OTUD7A: variants seen among roughly 807,000 people sequenced by gnomAD.
The protein encoded by OTUD7A is OTU deubiquitinase 7A.
OTUD7A carries 12 observed loss-of-function variants against 65.7 expected under a neutral mutation model. That is an observed-to-expected ratio of 0.18 (90% CI 0.12 to 0.30). OTUD7A has a LOEUF of 0.30. Ranked by LOEUF, OTUD7A falls within the 10% of genes least tolerant of loss-of-function variation. OTUD7A has a pLI of 1.00. For synonymous variants in OTUD7A, 641 were observed against 586.3 expected (o/e 1.09, Z -1.35); for missense variants, 1,148 against 1,304.8 (o/e 0.88, Z 1.85).
intron 4 of OTUD7A, among the ~76,000 whole-genome samples, chr15:31,562,261 C>T (rs767182292): frequency 4.6e-5 from 7 of 151,926 alleles, no homozygotes; most frequent in East Asian, 3.9e-4. Flanking sequence ...CTCTCCTATG[C>T]GGAGCAGCCA....
chr15:31,856,397 A>AT (rs532951918), intron 1 of OTUD7A, among the ~76,000 whole-genome samples: 11 of 152,164 alleles, frequency 7.2e-5, no homozygotes, highest in South Asian at 2.1e-4. Flanking sequence ...CAAATATTAG[A>AT]TTTTTTTTCA....
chr15:31,592,677 G>A (rs1217206515), intron 3 of OTUD7A, among the ~76,000 whole-genome samples: 2 of 151,340 alleles, frequency 1.3e-5, no homozygotes, highest in African/African-American at 2.4e-5. Context: ...TCAGGAGATC[G>A]AGAACATCCT....
intron 3 of OTUD7A, among the ~76,000 whole-genome samples, chr15:31,627,286 T>G (rs1246184000): frequency 1.6e-5 from 2 of 128,018 alleles, no homozygotes; most frequent in Non-Finnish European, 3.1e-5. Flanking sequence ...TTCCCCTTCC[T>G]GTGTCCATGT....
intron 5 of OTUD7A, chr15:31,558,694 T>G: frequency 1.9e-6 from 1 of 519,198 alleles, no homozygotes; most frequent in Non-Finnish European, 3.4e-6. Context: ...CAAAGAAGCA[T>G]AGAGTTCTCC....
intron 1 of OTUD7A, among the ~76,000 whole-genome samples, chr15:31,764,320 T>A (rs1020083055): frequency 6.6e-6 from 1 of 152,184 alleles, no homozygotes; most frequent in African/African-American, 2.4e-5. Context: ...TCAAGGTTTT[T>A]AATAAAAATC....
chr15:31,801,890 T>C (rs1304707701), intron 1 of OTUD7A, among the ~76,000 whole-genome samples: 1 of 152,114 alleles, frequency 6.6e-6, no homozygotes, highest in East Asian at 1.9e-4. Context: ...CAAAGAACCA[T>C]CATTCACACA....
intron 3 of OTUD7A, among the ~76,000 whole-genome samples, chr15:31,591,740 T>C (rs1889730936): frequency 6.6e-6 from 1 of 152,246 alleles, no homozygotes; most frequent in African/African-American, 2.4e-5. Flanking sequence ...TGTATGGATA[T>C]GTGTGCATAC....
chr15:31,818,819 G>A (rs979799928), intron 1 of OTUD7A, among the ~76,000 whole-genome samples: 2 of 152,220 alleles, frequency 1.3e-5, no homozygotes, highest in Non-Finnish European at 2.9e-5. Flanking sequence ...GTGGTCTGCT[G>A]CTGTAAAAAA....
At chr15:31,604,282 A>G (rs764340863) in intron 3 of OTUD7A, among the ~76,000 whole-genome samples, 2 of 152,256 alleles carry the variant, frequency 1.3e-5, no homozygotes, top group East Asian at 3.8e-4. Context: ...GGATGAGTTC[A>G]TGTCCTTTGC....
Position 31,483,494 on chromosome 15 carries a change from C to G in OTUD7A, c.2602G>C (p.Gly868Arg). The G allele has an allele frequency of 7.2e-7, 1 of 1,396,550 alleles. No individual in the cohort carries two copies. Among genetic ancestry groups the G allele is most frequent in the South Asian group, 1.4e-5 (1 of 72,266 alleles). 86.5% of individuals were successfully genotyped at this position (1,396,550 alleles called of 1,614,324 possible). A position where few individuals can be genotyped will look rare whatever the true frequency, so the allele number is the denominator to read the frequency against. ...GCGTCGGCGTCGGCGAACTCCAGGC[C>G]GTCGCGCAGGGCGCCGAAGCCGTTG... ...YTNGFGALRD[G>R]LEFADADAPT... Residue 868 changes from glycine to arginine, a missense_variant, in exon 13 of 13, where the codon GGC becomes CGC. Gly to Arg is a moderately radical substitution (Grantham distance 125, BLOSUM62 -2). This residue lies in a region of OTUD7A where 842 missense variants were observed against 769.5 expected (regional missense o/e 1.09). Coordinates refer to ENST00000307050, the MANE Select transcript of OTUD7A (RefSeq NM_001382637.1).
intron 4 of OTUD7A, among the ~76,000 whole-genome samples, chr15:31,565,472 T>A (rs1888837114): frequency 1.3e-5 from 2 of 152,214 alleles, no homozygotes; most frequent in African/African-American, 4.8e-5. Flanking sequence ...TGGAGAGGCA[T>A]ACATAATGTT....
chr15:31,864,688 A>C (rs918233161), intron 1 of OTUD7A, among the ~76,000 whole-genome samples: 1 of 151,928 alleles, frequency 6.6e-6, no homozygotes, highest in Non-Finnish European at 1.5e-5. Flanking sequence ...TATCATGGCT[A>C]ATGACTTTTA....
chr15:31,817,482 T>C (rs998579951), intron 1 of OTUD7A, among the ~76,000 whole-genome samples: 1 of 152,230 alleles, frequency 6.6e-6, no homozygotes, highest in Non-Finnish European at 1.5e-5. Flanking sequence ...ATATAATTTA[T>C]GGACTAGAAT....
intron 1 of OTUD7A, 62 bp from the exon 2 acceptor site, chr15:31,657,139 G>C (rs1595689820): frequency 4.6e-5 from 7 of 152,700 alleles, no homozygotes; most frequent in Admixed American, 3.3e-4. Context: ...GAGGCCGAAG[G>C]CTTGGCTTTT....
intron 5 of OTUD7A, among the ~76,000 whole-genome samples, chr15:31,533,425 T>C (rs569632756): frequency 2.0e-5 from 3 of 152,090 alleles, no homozygotes; most frequent in Non-Finnish European, 4.4e-5. Context: ...TTAGTAGAGA[T>C]AGAGTTTTAC....
At chr15:31,855,264 A>C (rs1219368012) in intron 1 of OTUD7A, among the ~76,000 whole-genome samples, 1 of 152,118 alleles carries the variant, frequency 6.6e-6, no homozygotes, top group Non-Finnish European at 1.5e-5. Flanking sequence ...ATCTAGGCAA[A>C]ACAGGCTGAC....
chr15:31,555,527 G>C (rs1009906413), intron 5 of OTUD7A, among the ~76,000 whole-genome samples: 1 of 152,224 alleles, frequency 6.6e-6, no homozygotes, highest in Non-Finnish European at 1.5e-5. Context: ...CTGTGACAGT[G>C]GGGGCCACGG....
chr15:31,674,921 T>C (rs1053635484), intron 1 of OTUD7A, among the ~76,000 whole-genome samples: 1 of 152,188 alleles, frequency 6.6e-6, no homozygotes, highest in Non-Finnish European at 1.5e-5. Flanking sequence ...GATGGTATCA[T>C]GGAACACTTG....
chr15:31,841,284 G>C (rs1159677146), intron 1 of OTUD7A, among the ~76,000 whole-genome samples: 2 of 152,172 alleles, frequency 1.3e-5, no homozygotes, highest in African/African-American at 2.4e-5. Flanking sequence ...GAGAGAGTGA[G>C]AGGTGATTCT....
Sources: allele counts gnomAD v4.1 joint callset (sites outside exome capture counted in the v4.1 genomes callset), GRCh38; gene constraint gnomAD v4.1.1; regional missense constraint gnomAD v4.1.1; transcripts MANE v1.5; gene names NCBI Gene and HGNC (gene_info 2026-07-23, HGNC 2026-07-21).